Variants in STON2 observed in about 807,000 individuals in gnomAD.
The protein encoded by STON2 is stonin 2.
A neutral mutation model predicts 65.7 loss-of-function variants in STON2; 29 were observed. The ratio of observed to expected loss-of-function variants is 0.44; its 90% CI spans 0.33 to 0.60. The LOEUF (loss-of-function observed/expected upper bound fraction) is 0.60. STON2 is among the 20% of genes least tolerant of loss of function. STON2 has a pLI of 0.03. For missense variants in STON2, 1,054 were observed against 1,118.1 expected (o/e 0.94, Z 0.82); for synonymous variants, 404 against 414.2 (o/e 0.98, Z 0.30).
chr14:81,268,330 G>C lies in STON2; in HGVS notation c.*84C>G, dbSNP rs1399508520. 1 of 1,269,316 alleles carries C rather than the reference G, an allele frequency of 7.9e-7. No homozygotes were observed. Among genetic ancestry groups the C allele is most frequent in the Non-Finnish European group, 1.0e-6 (1 of 979,550 alleles). 78.6% of individuals were successfully genotyped at this position (1,269,316 alleles called of 1,614,324 possible). On this transcript the variant is annotated 3_prime_UTR_variant, in exon 8 of 8. Transcript: ENST00000614646. ...ACAGCAGGTATTGACTGCAACTTCA[G>C]CTACTCAGGAAGACACCCTATCATG...
chr14:81,429,934 CAA>C (rs371030408), intron 1 of STON2, among the ~76,000 whole-genome samples: 29 of 128,744 alleles, frequency 2.3e-4, no homozygotes, highest in Non-Finnish European at 1.5e-4. Flanking sequence ...GACTCTGTCT[CAA>C]AAAAAAAAAA....
Position 81,261,675 on chromosome 14 carries a change from T to C in STON2, c.*6739A>G. The C allele has an allele frequency of 9.3e-7, 1 of 1,072,660 alleles. No homozygotes were observed. The highest frequency in any genetic ancestry group is 1.2e-6 in the Non-Finnish European group (1 of 802,496). 66.4% of individuals were successfully genotyped at this position (1,072,660 alleles called of 1,614,324 possible). A position where few individuals can be genotyped will look rare whatever the true frequency, so the allele number is the denominator to read the frequency against. On this transcript the variant is annotated 3_prime_UTR_variant, in exon 8 of 8. Coordinates refer to ENST00000614646, the MANE Select transcript of STON2 (RefSeq NM_001394390.1). ...AATGACAAATATATATATACCTCAT[T>C]GATTATCCTATCATCCCCAGTACTT...
At chr14:81,397,543 T>C (rs970226758) in intron 2 of STON2, among the ~76,000 whole-genome samples, 1 of 152,170 alleles carries the variant, frequency 6.6e-6, no homozygotes, top group African/African-American at 2.4e-5. Flanking sequence ...GGCCACCATA[T>C]TGGAGAGCAT....
intron 4 of STON2, among the ~76,000 whole-genome samples, chr14:81,364,896 A>G (rs1898652292): frequency 6.6e-6 from 1 of 152,150 alleles, no homozygotes; most frequent in Admixed American, 6.5e-5. Flanking sequence ...GCAATAACAT[A>G]AACACAGCCT....
intron 4 of STON2, among the ~76,000 whole-genome samples, chr14:81,328,851 T>C (rs1897096538): frequency 6.6e-6 from 1 of 152,150 alleles, no homozygotes; most frequent in South Asian, 2.1e-4. Context: ...GTGACTTCTG[T>C]GCATGCCAGC....
chr14:81,289,593 T>C (rs1895475151), intron 5 of STON2, among the ~76,000 whole-genome samples: 1 of 152,190 alleles, frequency 6.6e-6, no homozygotes, highest in Non-Finnish European at 1.5e-5. Context: ...TTACTTATGT[T>C]GACCAGGAAC....
chr14:81,403,598 C>T (rs939236092), upstream of STON2, among the ~76,000 whole-genome samples: 8 of 152,220 alleles, frequency 5.3e-5, no homozygotes, highest in Admixed American at 5.2e-4. Context: ...CAACTCAATT[C>T]CGTGGCAATG....
Position 81,278,324 on chromosome 14 carries a change from G to A in STON2, c.1158C>T (p.Asn386=). ...GCTCCTCAAAGAAAGCACTGAAAGG[G>A]TTGATAGGGGAGGGCTGTACATCCT... is the stretch of plus-strand genomic sequence containing the variant. The part of the protein sequence containing the change: ...TLQDVQPSPI[N]PFSAFFEEQE... The change falls in exon 6 of 8, where the codon AAC becomes AAT. Residue 386 remains asparagine (N), a synonymous_variant. Transcript: ENST00000614646. 6.2e-7 allele frequency: 1 copy of A among 1,614,208 alleles called. No homozygotes were observed. The highest frequency in any genetic ancestry group is 8.5e-7 in the Non-Finnish European group (1 of 1,180,022).
At chr14:81,298,577 GTGTT>G (rs969167159) in intron 5 of STON2, among the ~76,000 whole-genome samples, 3 of 152,182 alleles carry the variant, frequency 2.0e-5, no homozygotes, top group Admixed American at 1.3e-4. Flanking sequence ...CAATCTGTTG[GTGTT>G]TATTTTCCTG....
chr14:81,360,011 T>C (rs1463028297), intron 4 of STON2, among the ~76,000 whole-genome samples: 1 of 152,176 alleles, frequency 6.6e-6, no homozygotes, highest in African/African-American at 2.4e-5. Flanking sequence ...GGATCGCTCA[T>C]TCCTGGGAGG....
intron 2 of STON2, among the ~76,000 whole-genome samples, chr14:81,414,586 T>C (rs1432078376): frequency 2.6e-5 from 4 of 151,686 alleles, no homozygotes; most frequent in Non-Finnish European, 4.4e-5. Flanking sequence ...ACACAAAAGT[T>C]TGAAATGAGG....
chr14:81,289,594 G>A (rs1232858465), intron 5 of STON2, among the ~76,000 whole-genome samples: 2 of 152,154 alleles, frequency 1.3e-5, no homozygotes, highest in Non-Finnish European at 2.9e-5. Context: ...TACTTATGTT[G>A]ACCAGGAACT....
chr14:81,342,132 T>C lies in STON2; in HGVS notation c.572-17945A>G, dbSNP rs1029579979. On this transcript the variant is annotated intron_variant, in intron 4 of 7. Transcript: ENST00000614646. ...ATGTTCATAACAACGCAGAAAGCCA[T>C]AATGGAGTTTTTTTGTTTTTTTTTT... Among the ~76,000 whole-genome samples the C allele has an allele frequency of 9.9e-5, 15 of 152,038 alleles. 1 individual carries two copies.
intron 5 of STON2, among the ~76,000 whole-genome samples, chr14:81,316,190 C>A (rs1896611770): frequency 6.6e-6 from 1 of 152,108 alleles, no homozygotes; most frequent in African/African-American, 2.4e-5. Context: ...TTTACAGTCA[C>A]CAAGCAACAG....
At chr14:81,292,214 T>G (rs1422276203) in intron 5 of STON2, among the ~76,000 whole-genome samples, 1 of 152,154 alleles carries the variant, frequency 6.6e-6, no homozygotes, top group Non-Finnish European at 1.5e-5. Context: ...TAAAACTGAT[T>G]TAAACAAACA....
At chr14:81,342,689 G>A (rs1178148893) in intron 4 of STON2, among the ~76,000 whole-genome samples, 4 of 152,142 alleles carry the variant, frequency 2.6e-5, no homozygotes, top group African/African-American at 7.2e-5. Flanking sequence ...CACAGATCTT[G>A]GAAGAGGCCA....
intron 2 of STON2, among the ~76,000 whole-genome samples, chr14:81,410,187 T>C (rs1468624495): frequency 2.6e-4 from 39 of 151,006 alleles, no homozygotes; most frequent in Admixed American, 2.6e-3. Context: ...AACAATCATT[T>C]GTTTCTCTAT....
chr14:81,290,853 C>T (rs17550045), intron 5 of STON2, among the ~76,000 whole-genome samples: 8,536 of 152,256 alleles, frequency 0.056, 330 homozygotes, highest in Middle Eastern at 0.11. Context: ...GGGACATCCT[C>T]ACAGACTGAT....
chr14:81,311,926 G>A (rs1376884466), intron 5 of STON2, among the ~76,000 whole-genome samples: 1 of 152,134 alleles, frequency 6.6e-6, no homozygotes, highest in Non-Finnish European at 1.5e-5. Context: ...TTATGGTTTG[G>A]CTGCTTGTCA....
Sources: allele counts gnomAD v4.1 joint callset (sites outside exome capture counted in the v4.1 genomes callset), GRCh38; gene constraint gnomAD v4.1.1; transcripts MANE v1.5; gene names NCBI Gene and HGNC (gene_info 2026-07-23, HGNC 2026-07-21).